RARB: variants seen among roughly 807,000 people sequenced by gnomAD.
The protein encoded by RARB is HBV-activated protein.
A neutral mutation model predicts 51.9 loss-of-function variants in RARB; 17 were observed. That is an observed-to-expected ratio of 0.33 (90% confidence interval 0.22 to 0.49). RARB has a LOEUF of 0.49. RARB is among the 20% of genes least tolerant of loss of function. The pLI is 0.99. For synonymous variants in RARB, 215 were observed against 195.4 expected (o/e 1.10, Z -0.84); for missense variants, 369 against 550.8 (o/e 0.67, Z 3.30).
intron 3 of RARB, among the ~76,000 whole-genome samples, chr3:25,088,789 A>G (rs1419525322): frequency 6.6e-6 from 1 of 152,124 alleles, no homozygotes; most frequent in African/African-American, 2.4e-5. Flanking sequence ...TTAGTATTGA[A>G]AAGCCGCTCC....
At chr3:25,068,805 T>C (rs914227115) in intron 3 of RARB, among the ~76,000 whole-genome samples, 8 of 152,082 alleles carry the variant, frequency 5.3e-5, no homozygotes, top group African/African-American at 1.9e-4. Flanking sequence ...CCTCCTGTAA[T>C]GCTCAGGGGA....
chr3:24,877,346 C>CTTTTATTTTTTTTTTTTT (rs1703066035), intron 2 of RARB, among the ~76,000 whole-genome samples: 1 of 81,892 alleles, frequency 1.2e-5, no homozygotes, highest in Non-Finnish European at 2.2e-5. Context: ...AGCAATCTTA[C>CTTTTATTTTTTTTTTTTT]TTTTTTTTTT....
Position 25,201,624 on chromosome 3 carries a change from A to C in RARB, c.178+27049A>C, listed in dbSNP as rs142997458. Among the ~76,000 whole-genome samples, 1,205 of 152,260 alleles carry C rather than the reference A, an allele frequency of 7.9e-3. 13 individuals are homozygous for C. The highest frequency in any genetic ancestry group is 0.027 in the African/African-American group (1,120 of 41,538). On this transcript the variant is annotated intron_variant, in intron 5 of 11. Transcript: ENST00000383772. ...GGTCCCATCAATACCTAATTTATTGAGAGTTTTTAGCATGAAGCGTTGTTG... is the reference window on the plus strand; with the variant it reads ...GGTCCCATCAATACCTAATTTATTGCGAGTTTTTAGCATGAAGCGTTGTTG...
chr3:25,490,332 A>T (rs546661219), intron 2 of RARB, among the ~76,000 whole-genome samples: 1 of 152,324 alleles, frequency 6.6e-6, no homozygotes, highest in Admixed American at 6.5e-5. Flanking sequence ...ATAAAGCAAT[A>T]CAAGTACATC....
intron 5 of RARB, among the ~76,000 whole-genome samples, chr3:25,290,225 G>A (rs565265564): frequency 6.3e-4 from 96 of 152,184 alleles, no homozygotes; most frequent in Non-Finnish European, 1.1e-3. Context: ...TTGGAAATAT[G>A]GTCTTTAAAG....
Position 25,597,472 on chromosome 3 carries a change from T to TAAG in RARB, c.*857_*859dup, listed in dbSNP as rs201349875. On this transcript the variant is annotated 3_prime_UTR_variant, in exon 8 of 8. Transcript: ENST00000330688. Reference sequence around the variant, plus strand: ...CCAAGGCAGAAACACTTTTCAGTGTTAAGTTTTTGTTTACTTGTTCACAAG... The same window carrying TAAG: ...CCAAGGCAGAAACACTTTTCAGTGTTAAGAAGTTTTTGTTTACTTGTTCACAAG... 4.8e-3 allele frequency: 733 copies of TAAG among 152,764 alleles called. 1 individual carries two copies. The highest frequency in any genetic ancestry group is 7.4e-3 in the Admixed American group (113 of 15,308). The allele number at this position is 152,764 out of a possible 1,614,324, so 9.5% of individuals were successfully genotyped here. A position where few individuals can be genotyped will look rare whatever the true frequency, so the allele number is the denominator to read the frequency against.
intron 3 of RARB, among the ~76,000 whole-genome samples, chr3:25,065,252 C>T (rs1306131713): frequency 6.6e-6 from 1 of 151,914 alleles, no homozygotes; most frequent in East Asian, 1.9e-4. Flanking sequence ...ATCATTTTCT[C>T]CTATATCAAG....
intron 3 of RARB, among the ~76,000 whole-genome samples, chr3:25,104,873 C>T (rs1699469299): frequency 6.6e-6 from 1 of 152,078 alleles, no homozygotes; most frequent in African/African-American, 2.4e-5. Context: ...CACACATATG[C>T]AAAACTAATC....
intron 3 of RARB, among the ~76,000 whole-genome samples, chr3:25,072,389 C>T (rs1441299634): frequency 6.6e-6 from 1 of 152,026 alleles, no homozygotes; most frequent in South Asian, 2.1e-4. Flanking sequence ...ACTCTGTAAC[C>T]CCATGGTGGA....
intron 5 of RARB, among the ~76,000 whole-genome samples, chr3:25,381,957 T>C (rs1190427293): frequency 6.6e-6 from 1 of 152,144 alleles, no homozygotes. Flanking sequence ...TCTCAATCCC[T>C]CACCACTACC....
At chr3:25,381,608 G>A (rs1488051906) in intron 5 of RARB, among the ~76,000 whole-genome samples, 1 of 152,182 alleles carries the variant, frequency 6.6e-6, no homozygotes, top group Non-Finnish European at 1.5e-5. Context: ...TCACATTTAA[G>A]GAAACAGATG....
chr3:25,577,966 A>G (rs547571019), intron 4 of RARB, among the ~76,000 whole-genome samples: 4 of 152,364 alleles, frequency 2.6e-5, no homozygotes, highest in Admixed American at 2.6e-4. Flanking sequence ...CCAGACTCTC[A>G]GTCGGCAGCA....
At chr3:24,870,654 TTC>T (rs1198553906) in intron 2 of RARB, among the ~76,000 whole-genome samples, 1 of 152,140 alleles carries the variant, frequency 6.6e-6, no homozygotes, top group Non-Finnish European at 1.5e-5. Context: ...GTGATTCTTG[TTC>T]TCTCTCACTC....
intron 2 of RARB, among the ~76,000 whole-genome samples, chr3:24,878,554 G>A (rs1323814309): frequency 6.6e-6 from 1 of 152,098 alleles, no homozygotes; most frequent in Non-Finnish European, 1.5e-5. Context: ...CATTGGCATT[G>A]ACATTTGGGG....
At chr3:24,844,534 C>T (rs927064399) in intron 1 of RARB, among the ~76,000 whole-genome samples, 52 of 152,162 alleles carry the variant, frequency 3.4e-4, no homozygotes, top group Non-Finnish European at 3.4e-4. Flanking sequence ...AACTGGGGAG[C>T]AGATATTACC....
intron 4 of RARB, among the ~76,000 whole-genome samples, chr3:25,573,574 C>T (rs1214319622): frequency 6.6e-6 from 1 of 152,244 alleles, no homozygotes; most frequent in African/African-American, 2.4e-5. Flanking sequence ...CCAGATCTAG[C>T]TGTGTTTTTA....
chr3:24,999,075 A>G (rs542229429), intron 2 of RARB, among the ~76,000 whole-genome samples: 16 of 152,260 alleles, frequency 1.1e-4, no homozygotes, highest in Admixed American at 4.6e-4. Flanking sequence ...TCAAGTGTAT[A>G]ATGTACTTTT....
At chr3:25,118,383 G>T (rs1699726062) in intron 3 of RARB, among the ~76,000 whole-genome samples, 1 of 152,234 alleles carries the variant, frequency 6.6e-6, no homozygotes, top group African/African-American at 2.4e-5. Flanking sequence ...GGAATGTGGA[G>T]TATCTCTTTC....
At chr3:25,502,404 G>A (rs777800121) in intron 3 of RARB, among the ~76,000 whole-genome samples, 1 of 152,158 alleles carries the variant, frequency 6.6e-6, no homozygotes. Context: ...TTACTCTGAG[G>A]GTGCTCAGCT....
Sources: gnomAD v4.1 joint callset for allele counts (sites outside exome capture counted in the v4.1 genomes callset) on GRCh38, gnomAD v4.1.1 for gene constraint, MANE v1.5 for transcripts, NCBI Gene and HGNC (gene_info 2026-07-23, HGNC 2026-07-21) for gene names.